RFXANK: variants seen among roughly 807,000 people sequenced by gnomAD.
RFXANK encodes regulatory factor X associated ankyrin containing protein.
RFXANK carries 19 observed loss-of-function variants against 34.5 expected under a neutral mutation model. The observed-to-expected ratio is 0.55, with a 90% CI of 0.38 to 0.81. The LOEUF (loss-of-function observed/expected upper bound fraction) is 0.81, where lower values mean the gene tolerates loss of function less well. RFXANK is among the 30% of genes least tolerant of loss of function. The probability of loss-of-function intolerance (pLI) is 0.00; values close to 1 mark genes in which losing one functional copy is unlikely to be tolerated. For missense variants in RFXANK, 295 were observed against 343.5 expected, an observed-to-expected ratio of 0.86 and a Z score of 1.12; for synonymous variants, 154 against 149.8, an observed-to-expected ratio of 1.03 and a Z score of -0.20.
chr19:19,201,285 CCAAGCTGGCCTCAAATTCCTGAGCT>C, intron 9 of RFXANK: 1 of 616,548 alleles, frequency 1.6e-6, no homozygotes, highest in Non-Finnish European at 2.8e-6. Flanking sequence ...GCTCTGTTGC[CCAAGCTGGCCTCAAATTCCTGAGCT>C]CAAGCAGTCC....
chr19:19,192,268 A>G lies in RFXANK; in HGVS notation c.-436A>G. The G allele has an allele frequency of 1.9e-6, 2 of 1,039,550 alleles. No individual in the cohort carries two copies. Among genetic ancestry groups the G allele is most frequent in the Non-Finnish European group, 2.8e-6 (2 of 710,164 alleles). 64.4% of individuals were successfully genotyped at this position (1,039,550 alleles called of 1,614,324 possible). ...TCCCCGCTCCTCAGTCTTTGCGGAC[A>G]AGAAAGGGGCTGTGTGAGACGCAGG... On this transcript the variant is annotated 5_prime_UTR_variant, in exon 1 of 10. Coordinates refer to ENST00000303088, the MANE Select transcript of RFXANK (RefSeq NM_003721.4).
At chr19:19,201,428 T>C in intron 9 of RFXANK, 1 of 1,491,404 alleles carries the variant, frequency 6.7e-7, no homozygotes. Context: ...GTAGGAAATA[T>C]TTTTATATTA....
intron 3 of RFXANK, among the ~76,000 whole-genome samples, chr19:19,196,273 C>A (rs573251785): frequency 6.6e-6 from 1 of 151,906 alleles, no homozygotes; most frequent in Non-Finnish European, 1.5e-5. Context: ...AGGGAGATAC[C>A]GAAGGCAGTA....
At chr19:19,196,411 T>A (rs985419077) in intron 3 of RFXANK, among the ~76,000 whole-genome samples, 2 of 151,512 alleles carry the variant, frequency 1.3e-5, no homozygotes, top group Non-Finnish European at 2.9e-5. Context: ...ATATATATAT[T>A]TTTAATTTGC....
chr19:19,195,618 C>A (rs2060585345), intron 3 of RFXANK, among the ~76,000 whole-genome samples: 1 of 150,798 alleles, frequency 6.6e-6, no homozygotes, highest in Non-Finnish European at 1.5e-5. Flanking sequence ...TAGCGGATTT[C>A]TTTGACTTCC....
chr19:19,196,842 G>A (rs1193592470), intron 3 of RFXANK, 121 bp from the exon 4 acceptor site: 2 of 915,388 alleles, frequency 2.2e-6, no homozygotes, highest in African/African-American at 1.6e-5. Context: ...TCCAGCCTGG[G>A]GGACAGACGG....
intron 3 of RFXANK, among the ~76,000 whole-genome samples, chr19:19,195,344 T>C (rs1163637807): frequency 7.0e-6 from 1 of 142,326 alleles, no homozygotes; most frequent in Non-Finnish European, 1.5e-5. Context: ...AGACAGAATC[T>C]TGCTCTGTTG....
At position 19,199,143 on chromosome 19, in the gene RFXANK, C is replaced by T. The variant is rs1374951908; in HGVS notation, c.632-11C>T. 1 of 1,613,410 alleles carries T rather than the reference C, an allele frequency of 6.2e-7. No homozygotes were observed. The highest frequency in any genetic ancestry group is 8.5e-7 in the Non-Finnish European group (1 of 1,179,946). On this transcript the variant is annotated splice_polypyrimidine_tract_variant and intron_variant, in intron 8 of 9. Coordinates refer to ENST00000303088, the MANE Select transcript of RFXANK (RefSeq NM_003721.4). ...GCCCCACCCTCCAGCGCCCTCCCCT[C>T]TCCTTTGCAGCCCGAGGCGCTGACC...
chr19:19,196,879 A>G, intron 3 of RFXANK, 84 bp from the exon 4 acceptor site: 1 of 1,279,042 alleles, frequency 7.8e-7, no homozygotes, highest in Non-Finnish European at 1.1e-6. Flanking sequence ...AACAACAGCA[A>G]CAAAAAAAAA....
intron 3 of RFXANK, 50 bp downstream of exon 3, chr19:19,194,183 A>G: frequency 6.4e-7 from 1 of 1,566,044 alleles, no homozygotes; most frequent in South Asian, 1.1e-5. Context: ...TGATGATGGA[A>G]TGTCAGGCCT....
intron 5 of RFXANK, 55 bp downstream of exon 5, chr19:19,197,306 T>C (rs2060617620): frequency 6.4e-7 from 1 of 1,563,452 alleles, no homozygotes; most frequent in Non-Finnish European, 8.8e-7. Flanking sequence ...TGTGTGCATA[T>C]GGGTGTCCAT....
chr19:19,198,582 G>A, intron 7 of RFXANK, 75 bp from the exon 8 acceptor site: 1 of 1,540,160 alleles, frequency 6.5e-7, no homozygotes. Flanking sequence ...TTCAACTGGA[G>A]GCCAGAGAGT....
At chr19:19,198,468 C>A (rs991007079) in intron 7 of RFXANK, among the ~76,000 whole-genome samples, 189 bp from the exon 8 acceptor site, 3 of 152,196 alleles carry the variant, frequency 2.0e-5, no homozygotes, top group African/African-American at 7.2e-5. Context: ...CTACAAGAGC[C>A]CCATGTGGGC....
At chr19:19,196,397 CAA>C (rs1568577998) in intron 3 of RFXANK, among the ~76,000 whole-genome samples, 1 of 151,296 alleles carries the variant, frequency 6.6e-6, no homozygotes, top group Non-Finnish European at 1.5e-5. Context: ...CCATCTCTAC[CAA>C]TATATATATA....
chr19:19,192,407 C>G lies in RFXANK; in HGVS notation c.-297C>G, dbSNP rs935744846. On this transcript the variant is annotated 5_prime_UTR_variant, in exon 1 of 10. Coordinates refer to ENST00000303088, the MANE Select transcript of RFXANK (RefSeq NM_003721.4). ...AGAACTCTCTCCCTTTCTGAACCCCCTTTTCCTTGAGAGACGAGTTGGGGG... is the reference window on the plus strand; with the variant it reads ...AGAACTCTCTCCCTTTCTGAACCCCGTTTTCCTTGAGAGACGAGTTGGGGG... 3 of 536,500 alleles carry G rather than the reference C, an allele frequency of 5.6e-6. No homozygotes were observed. In the African/African-American group the frequency reaches 5.8e-5, roughly 10 times the overall value. The allele number at this position is 536,500 out of a possible 1,614,324, so 33.2% of individuals were successfully genotyped here. A position where few individuals can be genotyped will look rare whatever the true frequency, so the allele number is the denominator to read the frequency against.
chr19:19,199,144 T>C lies in RFXANK; in HGVS notation c.632-10T>C. 6.2e-7 allele frequency: 1 copy of C among 1,613,176 alleles called. No individual in the cohort carries two copies. The highest frequency in any genetic ancestry group is 8.5e-7 in the Non-Finnish European group (1 of 1,179,886). On this transcript the variant is annotated splice_polypyrimidine_tract_variant and intron_variant, in intron 8 of 9. Transcript: ENST00000303088. The stretch of plus-strand genomic sequence containing the variant: ...CCCCACCCTCCAGCGCCCTCCCCTC[T>C]CCTTTGCAGCCCGAGGCGCTGACCT...
At chr19:19,197,354 T>C in intron 5 of RFXANK, 103 bp downstream of exon 5, 1 of 1,287,680 alleles carries the variant, frequency 7.8e-7, no homozygotes, top group Non-Finnish European at 1.1e-6. Flanking sequence ...TCCACGTGTA[T>C]GATTGTATCT....
intron 8 of RFXANK, 184 bp downstream of exon 8, chr19:19,198,907 C>G: frequency 1.3e-6 from 1 of 771,570 alleles, no homozygotes; most frequent in Non-Finnish European, 2.2e-6. Flanking sequence ...GAGTCGGGGT[C>G]TGGGTTTAGG....
At chr19:19,198,536 G>C in intron 7 of RFXANK, 121 bp from the exon 8 acceptor site, 1 of 1,213,582 alleles carries the variant, frequency 8.2e-7, no homozygotes, top group Non-Finnish European at 1.2e-6. Flanking sequence ...ACCCCAGAAA[G>C]TGAGATGGGC....
Sources: allele counts gnomAD v4.1 joint callset (sites outside exome capture counted in the v4.1 genomes callset), GRCh38; gene constraint gnomAD v4.1.1; transcripts MANE v1.5; gene names NCBI Gene and HGNC (gene_info 2026-07-23, HGNC 2026-07-21).